LBH: variants seen among roughly 807,000 people sequenced by gnomAD.
The protein encoded by LBH is LBH regulator of Wnt signaling pathway.
A neutral mutation model predicts 12.5 loss-of-function variants in LBH; 7 were observed. The observed-to-expected ratio is 0.56, with a 90% CI of 0.32 to 1.05. The LOEUF is 1.05. Among genes scored for constraint, LBH ranks in the 50% least tolerant of loss-of-function variants. LBH has a pLI of 0.04. For missense variants in LBH, 119 were observed against 138.9 expected (o/e 0.86, Z 0.72); for synonymous variants, 51 against 50.1 (o/e 1.02, Z -0.08).
intron 2 of LBH, among the ~76,000 whole-genome samples, chr2:30,249,562 ATGGT>A: frequency 6.6e-6 from 1 of 152,228 alleles, no homozygotes; most frequent in Non-Finnish European, 1.5e-5. Flanking sequence ...TGACAAGGGC[ATGGT>A]TTTCATTCCC....
chr2:30,243,481 G>A (rs1157148892), intron 2 of LBH, among the ~76,000 whole-genome samples: 3 of 151,280 alleles, frequency 2.0e-5, no homozygotes, highest in Non-Finnish European at 4.4e-5. Context: ...AATAACTCAT[G>A]GTTGAGAAAT....
At chr2:30,255,700 A>G (rs1678072350) in intron 2 of LBH, among the ~76,000 whole-genome samples, 1 of 152,074 alleles carries the variant, frequency 6.6e-6, no homozygotes, top group Admixed American at 6.6e-5. Context: ...TTGCAATAAG[A>G]CCGGGTATCC....
chr2:30,233,877 G>A (rs1412115279), intron 1 of LBH, among the ~76,000 whole-genome samples: 2 of 152,252 alleles, frequency 1.3e-5, no homozygotes, highest in Non-Finnish European at 1.5e-5. Flanking sequence ...GCCAAAAGGA[G>A]CACCAGAGAG....
intron 2 of LBH, among the ~76,000 whole-genome samples, chr2:30,251,670 A>G (rs75082519): frequency 5.1e-5 from 2 of 38,842 alleles, no homozygotes; most frequent in Non-Finnish European, 1.3e-4. Context: ...CTATCTCAAG[A>G]AAAAAAAAAA....
intron 2 of LBH, among the ~76,000 whole-genome samples, chr2:30,236,942 G>GGA (rs74807340): frequency 0.42 from 63,425 of 151,742 alleles, 14,669 homozygotes; most frequent in Non-Finnish European, 0.51. Context: ...TATGCCAGGG[G>GGA]CAGGGCTGTG....
chr2:30,254,507 T>G (rs1202223330), intron 2 of LBH, among the ~76,000 whole-genome samples: 1 of 152,122 alleles, frequency 6.6e-6, no homozygotes, highest in Non-Finnish European at 1.5e-5. Flanking sequence ...ATCATTAGAT[T>G]TTTTTCCTTA....
chr2:30,257,645 C>G lies in LBH; in HGVS notation c.*24C>G. Reference sequence around the variant, plus strand: ...AGAGTCCCTGTGGACTCCCATGGGTCATACCAGCCAGCATCTGTTCCTGAA... The same window carrying G: ...AGAGTCCCTGTGGACTCCCATGGGTGATACCAGCCAGCATCTGTTCCTGAA... On this transcript the variant is annotated 3_prime_UTR_variant, in exon 3 of 3. Coordinates refer to ENST00000395323, the MANE Select transcript of LBH (RefSeq NM_030915.4). 2.0e-6 allele frequency: 3 copies of G among 1,529,104 alleles called. No homozygotes were observed. Among genetic ancestry groups the G allele is most frequent in the Non-Finnish European group, 2.7e-6 (3 of 1,123,810 alleles). 94.7% of individuals were successfully genotyped at this position (1,529,104 alleles called of 1,614,324 possible).
chr2:30,254,546 A>G (rs1433215251), intron 2 of LBH, among the ~76,000 whole-genome samples: 2 of 152,066 alleles, frequency 1.3e-5, no homozygotes, highest in East Asian at 3.8e-4. Context: ...TTCCAGCTTG[A>G]AGTGAAATCC....
At position 30,259,691 on chromosome 2, in the gene LBH, G is replaced by C. The variant is rs1166595186; in HGVS notation, c.*2070G>C. 1 of 152,622 alleles carries C rather than the reference G, an allele frequency of 6.6e-6. No individual in the cohort carries two copies. 9.5% of individuals were successfully genotyped at this position (152,622 alleles called of 1,614,324 possible). A position where few individuals can be genotyped will look rare whatever the true frequency, so the allele number is the denominator to read the frequency against. ...TTTTTGCTGGTCCCTAGACCACTTTGTATGACCGTTTGCAGTCTGAGCAGG... is the reference window on the plus strand; with the variant it reads ...TTTTTGCTGGTCCCTAGACCACTTTCTATGACCGTTTGCAGTCTGAGCAGG... On this transcript the variant is annotated 3_prime_UTR_variant, in exon 3 of 3. Transcript: ENST00000395323.
intron 1 of LBH, among the ~76,000 whole-genome samples, chr2:30,233,410 T>C (rs1316124485): frequency 6.6e-6 from 1 of 152,212 alleles, no homozygotes; most frequent in Non-Finnish European, 1.5e-5. Context: ...ATCTATGTAG[T>C]AACCATACAA....
intron 2 of LBH, among the ~76,000 whole-genome samples, chr2:30,238,622 T>C (rs902305044): frequency 6.6e-6 from 1 of 152,196 alleles, no homozygotes; most frequent in African/African-American, 2.4e-5. Flanking sequence ...TTCCTGCATC[T>C]TCCCCTTCAT....
chr2:30,257,692 G>A lies in LBH; in HGVS notation c.*71G>A, dbSNP rs752473158. On this transcript the variant is annotated 3_prime_UTR_variant, in exon 3 of 3. Coordinates refer to ENST00000395323, the MANE Select transcript of LBH (RefSeq NM_030915.4). ...TGAACTGTGTTTTTCCCATCATGAC[G>A]GAAGAAGAGAGTGAGCCGCAATTGT... The A allele has an allele frequency of 1.7e-5, 21 of 1,210,204 alleles. No individual in the cohort carries two copies. The highest frequency in any genetic ancestry group is 1.0e-4 in the East Asian group (4 of 38,668). The allele number at this position is 1,210,204 out of a possible 1,614,324, so 75.0% of individuals were successfully genotyped here. A position where few individuals can be genotyped will look rare whatever the true frequency, so the allele number is the denominator to read the frequency against.
At chr2:30,242,848 A>G (rs1315357198) in intron 2 of LBH, among the ~76,000 whole-genome samples, 3 of 152,236 alleles carry the variant, frequency 2.0e-5, no homozygotes, top group Non-Finnish European at 4.4e-5. Context: ...ACTATTCTGA[A>G]CATCATTTTA....
In LBH at chr2:30,234,400, G is replaced by A. The variant is rs1180930217; in HGVS notation, c.27-5G>A. The A allele has an allele frequency of 1.9e-6, 3 of 1,613,172 alleles. No homozygotes were observed. The highest frequency in any genetic ancestry group is 2.2e-5 in the South Asian group (2 of 91,064). ...TGTTGACTTTTGGTCTGGGTTTCTT[G>A]GCAGCCCCGACTATCTGAGATCGGC... On this transcript the variant is annotated splice_polypyrimidine_tract_variant and splice_region_variant and intron_variant, in intron 1 of 2. Transcript: ENST00000395323.
intron 1 of LBH, chr2:30,232,247 G>T: frequency 1.5e-5 from 6 of 395,048 alleles, no homozygotes; most frequent in East Asian, 8.9e-5. Context: ...GGGGTGGGGG[G>T]CGGGAAACGC....
intron 2 of LBH, among the ~76,000 whole-genome samples, chr2:30,249,543 G>A (rs568069596): frequency 6.6e-6 from 1 of 152,332 alleles, no homozygotes; most frequent in East Asian, 1.9e-4. Flanking sequence ...CTGGTTGGGG[G>A]CGGGGTAGTG....
Position 30,257,616 on chromosome 2 carries a change from C to T in LBH, c.313C>T (p.Gln105Ter). 6.2e-7 allele frequency: 1 copy of T among 1,607,632 alleles called. No homozygotes were observed. The highest frequency in any genetic ancestry group is 8.5e-7 in the Non-Finnish European group (1 of 1,176,370). Residue 105 changes from glutamine (Q) to a stop codon, truncating the protein, a stop_gained, in exon 3 of 3, where the codon CAG (glutamine) becomes TAG (stop). Transcript: ENST00000395323. LOFTEE classifies it high-confidence loss of function. ...AGAGACAGCGAAAGAAAATAAAGAG[C>T]AGTAGAGTCCCTGTGGACTCCCATG... ...CEETAKENKE[Q>*] is the part of the protein sequence containing the mutation.
chr2:30,254,275 T>C (rs139002599), intron 2 of LBH, among the ~76,000 whole-genome samples: 1 of 152,236 alleles, frequency 6.6e-6, no homozygotes. Flanking sequence ...AGAACAATTA[T>C]AACACTATAC....
At chr2:30,241,871 C>T (rs925258326) in intron 2 of LBH, among the ~76,000 whole-genome samples, 6 of 152,282 alleles carry the variant, frequency 3.9e-5, no homozygotes, top group East Asian at 1.9e-4. Context: ...TGTGCACTTA[C>T]GTTTTTATGT....
Sources: gnomAD v4.1 joint callset for allele counts (sites outside exome capture counted in the v4.1 genomes callset) on GRCh38, gnomAD v4.1.1 for gene constraint, MANE v1.5 for transcripts, NCBI Gene and HGNC (gene_info 2026-07-23, HGNC 2026-07-21) for gene names.